ADAM20: variants seen among roughly 807,000 people sequenced by gnomAD.
ADAM20 encodes disintegrin and metalloproteinase domain-containing protein 20.
For missense variants in ADAM20, 871 were observed against 883.2 expected, an observed-to-expected ratio of 0.99 and a Z score of 0.18; for synonymous variants, 305 against 310.2, an observed-to-expected ratio of 0.98 and a Z score of 0.18.
the ADAM20 span, among the ~76,000 whole-genome samples, chr14:70,570,647 A>G: frequency 6.6e-6 from 1 of 152,196 alleles, no homozygotes; most frequent in Non-Finnish European, 1.5e-5. Flanking sequence ...AACCAAAAAA[A>G]GCCCTGGGCA....
the ADAM20 span, among the ~76,000 whole-genome samples, chr14:70,572,489 T>C: frequency 3.3e-5 from 5 of 152,150 alleles, no homozygotes; most frequent in Admixed American, 1.3e-4. Flanking sequence ...CCTCAAACTA[T>C]AAAAATCCTA....
the ADAM20 span, among the ~76,000 whole-genome samples, chr14:70,554,001 T>C: frequency 1.3e-5 from 2 of 152,190 alleles, no homozygotes; most frequent in East Asian, 3.8e-4. Flanking sequence ...AAATGATTAT[T>C]GTTGACTGAT....
chr14:70,564,252 T>C, the ADAM20 span, among the ~76,000 whole-genome samples: 1 of 152,102 alleles, frequency 6.6e-6, no homozygotes, highest in Non-Finnish European at 1.5e-5. Flanking sequence ...TCTTCAGGAG[T>C]GAGTGGGAAA....
chr14:70,538,847 G>A (rs1033103210), upstream of ADAM20, among the ~76,000 whole-genome samples: 1 of 152,122 alleles, frequency 6.6e-6, no homozygotes, highest in Non-Finnish European at 1.5e-5. Context: ...CACCAGGTTG[G>A]AGTGCAGTGG....
chr14:70,570,376 A>C, the ADAM20 span, among the ~76,000 whole-genome samples: 3 of 152,166 alleles, frequency 2.0e-5, no homozygotes, highest in Non-Finnish European at 4.4e-5. Context: ...ATAGAGTGCT[A>C]GCAAGATTAC....
chr14:70,543,525 A>C, the ADAM20 span, among the ~76,000 whole-genome samples: 1 of 152,234 alleles, frequency 6.6e-6, no homozygotes, highest in Non-Finnish European at 1.5e-5. Context: ...TATATAATTT[A>C]AAGAAGGGGC....
chr14:70,554,738 G>A, the ADAM20 span, among the ~76,000 whole-genome samples: 5 of 152,184 alleles, frequency 3.3e-5, no homozygotes, highest in Admixed American at 3.3e-4. Flanking sequence ...TGGTTGCTAG[G>A]AGCTAGGGGT....
At chr14:70,554,609 C>A in the ADAM20 span, among the ~76,000 whole-genome samples, 1 of 152,158 alleles carries the variant, frequency 6.6e-6, no homozygotes, top group Non-Finnish European at 1.5e-5. Context: ...TACAACAACA[C>A]AGATAAACCT....
the ADAM20 span, among the ~76,000 whole-genome samples, chr14:70,540,415 A>G: frequency 2.0e-5 from 3 of 152,260 alleles, no homozygotes; most frequent in Admixed American, 2.0e-4. Context: ...TTCAGTTCAC[A>G]TGACTTTAAC....
chr14:70,561,273 C>G, the ADAM20 span, among the ~76,000 whole-genome samples: 1 of 152,182 alleles, frequency 6.6e-6, no homozygotes, highest in East Asian at 1.9e-4. Flanking sequence ...TTTGGGGTAT[C>G]TGGTGGAATA....
At chr14:70,537,757 T>G (rs1883866721), upstream of ADAM20, among the ~76,000 whole-genome samples, 1 of 152,182 alleles carries the variant, frequency 6.6e-6, no homozygotes, top group African/African-American at 2.4e-5. Context: ...ACTTGACATA[T>G]GCATTTAGTT....
At chr14:70,553,991 A>G in the ADAM20 span, among the ~76,000 whole-genome samples, 2 of 152,226 alleles carry the variant, frequency 1.3e-5, no homozygotes, top group Non-Finnish European at 2.9e-5. Flanking sequence ...GGAAGAAGTC[A>G]AATGATTATT....
At chr14:70,563,936 G>A in the ADAM20 span, among the ~76,000 whole-genome samples, 1 of 152,188 alleles carries the variant, frequency 6.6e-6, no homozygotes, top group African/African-American at 2.4e-5. Context: ...AATACAAAGA[G>A]CAAACTTAAT....
At chr14:70,542,465 T>A in the ADAM20 span, among the ~76,000 whole-genome samples, 7 of 152,118 alleles carry the variant, frequency 4.6e-5, no homozygotes, top group Admixed American at 1.3e-4. Flanking sequence ...TTCTGACCTG[T>A]GATAAGTAAA....
chr14:70,575,600 A>G, the ADAM20 span, among the ~76,000 whole-genome samples: 4 of 152,220 alleles, frequency 2.6e-5, no homozygotes, highest in African/African-American at 4.8e-5. Flanking sequence ...AAACTAAACA[A>G]GACATATAAA....
the ADAM20 span, among the ~76,000 whole-genome samples, chr14:70,560,411 A>C: frequency 1.2e-4 from 19 of 152,314 alleles, no homozygotes; most frequent in African/African-American, 4.3e-4. Flanking sequence ...CATATCAAAA[A>C]CCACTTAGCA....
the ADAM20 span, among the ~76,000 whole-genome samples, chr14:70,564,315 T>C: frequency 6.6e-5 from 10 of 152,354 alleles, no homozygotes; most frequent in Non-Finnish European, 1.0e-4. Context: ...GGGCCTGATT[T>C]CTATCTTGTC....
At chr14:70,554,267 C>T in the ADAM20 span, among the ~76,000 whole-genome samples, 1 of 152,034 alleles carries the variant, frequency 6.6e-6, no homozygotes, top group Non-Finnish European at 1.5e-5. Context: ...AGCCCTTGTA[C>T]GCTGTTGGTG....
rs552006013 is a variant in ADAM20, at chr14:70,533,557, A to T, written c.-177+1240T>A. 1.6e-4 allele frequency among the ~76,000 whole-genome samples: 25 copies of T among 152,152 alleles called. 1 individual carries two copies. Among genetic ancestry groups the T allele is most frequent in the Non-Finnish European group, 1.2e-4 (8 of 68,016 alleles). ...TAAGTGGGAGTTGAACAATGAGAAC[A>T]AATGGACACAGGGAGAAGAACATCA... is the stretch of plus-strand genomic sequence containing the variant. On this transcript the variant is annotated intron_variant, in intron 1 of 1. Coordinates refer to ENST00000256389, the MANE Select transcript of ADAM20 (RefSeq NM_003814.5).
Sources: allele counts gnomAD v4.1 joint callset (sites outside exome capture counted in the v4.1 genomes callset), GRCh38; gene constraint gnomAD v4.1.1; transcripts MANE v1.5; gene names NCBI Gene and HGNC (gene_info 2026-07-23, HGNC 2026-07-21).